Variants in ZNF500 observed in about 807,000 individuals in gnomAD.
The protein encoded by ZNF500 is zinc finger protein 500.
ZNF500 carries 31 observed loss-of-function variants against 30.1 expected under a neutral mutation model. The observed-to-expected ratio is 1.03, with a 90% confidence interval of 0.77 to 1.39. ZNF500 has a LOEUF of 1.39. Ranked by LOEUF, ZNF500 falls within the 40% of genes most tolerant of loss-of-function variation. The pLI, the probability that ZNF500 is intolerant of heterozygous loss-of-function variation, is 0.00. For synonymous variants in ZNF500, 392 were observed against 282.0 expected, an observed-to-expected ratio of 1.39 and a Z score of -3.91; for missense variants, 817 against 657.8, an observed-to-expected ratio of 1.24 and a Z score of -2.65.
At chr16:4,761,474 TACATACACACAC>T (rs1307564844) in intron 4 of ZNF500, among the ~76,000 whole-genome samples, 10 of 34,442 alleles carry the variant, frequency 2.9e-4, no homozygotes, top group East Asian at 2.1e-3. Flanking sequence ...CAAATACACA[TACATACACACAC>T]ACACACACAC....
chr16:4,748,438 T>G lies in ZNF500; in HGVS notation c.*3938A>C, dbSNP rs907856473. ...AAGATAGAAAGGCACACATAGATTC[T>G]CAAGGCCTTTGACCTTTATGAATCT... On this transcript the variant is annotated 3_prime_UTR_variant, in exon 6 of 6. Coordinates refer to ENST00000219478, the MANE Select transcript of ZNF500 (RefSeq NM_021646.4). 1 of 152,186 alleles carries G rather than the reference T, an allele frequency of 6.6e-6. No individual in the cohort carries two copies. The highest frequency in any genetic ancestry group is 2.4e-5 in the African/African-American group (1 of 41,446). The allele number at this position is 152,186 out of a possible 1,614,324, so 9.4% of individuals were successfully genotyped here. A position where few individuals can be genotyped will look rare whatever the true frequency, so the allele number is the denominator to read the frequency against.
Position 4,752,991 on chromosome 16 carries a change from G to T in ZNF500, c.828C>A (p.Tyr276Ter). Reference protein sequence around the residue: ...REDAPLRMEWYRVLSARCQGP... With the variant: ...REDAPLRMEW ...CCTGGCATCGTGCCGAGAGCACTCG[G>T]TACCACTCCATTCTCAACGGGGCAT... The change falls in exon 6 of 6, where the codon TAC (tyrosine) becomes TAA (stop). Residue 276 changes from tyrosine (Y) to a stop codon, truncating the protein, a stop_gained. Coordinates refer to ENST00000219478, the MANE Select transcript of ZNF500 (RefSeq NM_021646.4). LOFTEE classifies it low-confidence loss of function (END_TRUNC). 6.3e-7 allele frequency: 1 copy of T among 1,591,582 alleles called. No individual in the cohort carries two copies.
chr16:4,757,003 T>C (rs1334455773), intron 5 of ZNF500, among the ~76,000 whole-genome samples: 1 of 151,692 alleles, frequency 6.6e-6, no homozygotes, highest in Admixed American at 6.6e-5. Flanking sequence ...AAAAAAAGTT[T>C]TGGAACTATG....
intron 2 of ZNF500, chr16:4,763,707 G>C: frequency 2.0e-6 from 2 of 981,272 alleles, no homozygotes; most frequent in Non-Finnish European, 2.4e-6. Context: ...TGCAGTGACA[G>C]AAGGAAGCCA....
intron 2 of ZNF500, chr16:4,763,531 G>C: frequency 2.0e-6 from 2 of 985,240 alleles, no homozygotes; most frequent in Non-Finnish European, 2.4e-6. Context: ...ATAGCACTTG[G>C]ACAAGAGACA....
chr16:4,745,812 G>A (rs1479556919), downstream of ZNF500, among the ~76,000 whole-genome samples: 1 of 152,044 alleles, frequency 6.6e-6, no homozygotes, highest in East Asian at 1.9e-4. Flanking sequence ...AATTTTCCAG[G>A]CATGTTGGTG....
At position 4,751,997 on chromosome 16, in the gene ZNF500, G is replaced by T; in HGVS notation, c.*379C>A. ...ACACAGGAGAGGGGTTGGGACGTGG[G>T]GATGAGGCTGTATGCCAGCAGCCAC... On this transcript the variant is annotated 3_prime_UTR_variant, in exon 6 of 6. Coordinates refer to ENST00000219478, the MANE Select transcript of ZNF500 (RefSeq NM_021646.4). The T allele has an allele frequency of 9.5e-7, 1 of 1,055,160 alleles. No homozygotes were observed. The highest frequency in any genetic ancestry group is 1.6e-5 in the African/African-American group (1 of 60,940). The allele number at this position is 1,055,160 out of a possible 1,614,324, so 65.4% of individuals were successfully genotyped here. A position where few individuals can be genotyped will look rare whatever the true frequency, so the allele number is the denominator to read the frequency against.
rs2082069802 is a variant in ZNF500, at chr16:4,750,819, GGAA to G, written c.*1554_*1556del. ...TTTTTTTTTTTTTTTTTTTTGGTAG[GGAA>G]GAGGTCTTTCTATATTGCCCAGGCT... On this transcript the variant is annotated 3_prime_UTR_variant, in exon 6 of 6. Transcript: ENST00000219478. The G allele has an allele frequency of 7.3e-6, 1 of 136,788 alleles. No individual in the cohort carries two copies. The highest frequency in any genetic ancestry group is 2.3e-4 in the South Asian group (1 of 4,298). 8.5% of individuals were successfully genotyped at this position (136,788 alleles called of 1,614,324 possible). A position where few individuals can be genotyped will look rare whatever the true frequency, so the allele number is the denominator to read the frequency against.
downstream of ZNF500, chr16:4,746,883 C>G: frequency 2.0e-6 from 3 of 1,481,790 alleles, no homozygotes; most frequent in Non-Finnish European, 2.7e-6. Context: ...GTTGGAACAC[C>G]AGGTGGAGTG....
chr16:4,751,441 AG>A lies in ZNF500; in HGVS notation c.*934del, dbSNP rs1470341084. 21 of 785,360 alleles carry A rather than the reference AG, an allele frequency of 2.7e-5. No homozygotes were observed. The highest frequency in any genetic ancestry group is 1.5e-4 in the Admixed American group (5 of 33,492). The allele number at this position is 785,360 out of a possible 1,614,324, so 48.6% of individuals were successfully genotyped here. On this transcript the variant is annotated 3_prime_UTR_variant, in exon 6 of 6. Coordinates refer to ENST00000219478, the MANE Select transcript of ZNF500 (RefSeq NM_021646.4). ...GCAACATGTCAGGAAGATGGAACTC[AG>A]GGGTGCTTTCCCGCCCCAGGTGTCT...
chr16:4,757,065 G>A (rs1203431028), intron 5 of ZNF500, among the ~76,000 whole-genome samples: 1 of 152,126 alleles, frequency 6.6e-6, no homozygotes, highest in Non-Finnish European at 1.5e-5. Context: ...TCAAAAAAGG[G>A]AAGAAAAAAG....
At chr16:4,764,123 C>T (rs953241381) in intron 2 of ZNF500, 21 of 984,724 alleles carry the variant, frequency 2.1e-5, no homozygotes, top group South Asian at 1.9e-4. Flanking sequence ...ATAGAGATTT[C>T]GGTGTGTCAG....
intron 5 of ZNF500, among the ~76,000 whole-genome samples, chr16:4,758,042 T>C (rs2082156148): frequency 6.6e-6 from 1 of 151,140 alleles, no homozygotes; most frequent in South Asian, 2.1e-4. Context: ...GCTGGGATTA[T>C]AGGCACCCGC....
rs1228651390 is a variant in ZNF500, at chr16:4,749,841, G to A, written c.*2535C>T. 3 of 152,086 alleles carry A rather than the reference G, an allele frequency of 2.0e-5. No homozygotes were observed. The highest frequency in any genetic ancestry group is 4.4e-5 in the Non-Finnish European group (3 of 68,042). The allele number at this position is 152,086 out of a possible 1,614,324, so 9.4% of individuals were successfully genotyped here. On this transcript the variant is annotated 3_prime_UTR_variant, in exon 6 of 6. Transcript: ENST00000219478. The stretch of plus-strand genomic sequence containing the variant: ...CAAAACAAAAAAAGGAGACTAATGG[G>A]AGTCCCCCCTCACTGGACTGCATGA...
intron 5 of ZNF500, among the ~76,000 whole-genome samples, chr16:4,757,194 C>T (rs756178036): frequency 6.6e-6 from 1 of 152,138 alleles, no homozygotes; most frequent in Non-Finnish European, 1.5e-5. Flanking sequence ...CTTTGAGCAG[C>T]AGCAAGATTT....
downstream of ZNF500, chr16:4,746,149 G>A (rs78065589): frequency 1.8e-3 from 859 of 485,376 alleles, 8 homozygotes; most frequent in African/African-American, 0.015. Flanking sequence ...ACTTACCACA[G>A]ATAGAGAGCA....
At chr16:4,745,621 G>C (rs1178114362), downstream of ZNF500, among the ~76,000 whole-genome samples, 1 of 152,172 alleles carries the variant, frequency 6.6e-6, no homozygotes, top group Non-Finnish European at 1.5e-5. Context: ...CCAGCAGTGG[G>C]TTTCTGTGTC....
chr16:4,753,145 GCTC>G (rs2082103331), intron 5 of ZNF500, 87 bp from the exon 6 acceptor site: 3 of 1,469,264 alleles, frequency 2.0e-6, no homozygotes, highest in Non-Finnish European at 1.8e-6. Context: ...GCCTCACAGG[GCTC>G]CTAAGGTTCC....
downstream of ZNF500, among the ~76,000 whole-genome samples, chr16:4,745,585 G>A (rs1265231227): frequency 1.3e-5 from 2 of 152,214 alleles, no homozygotes; most frequent in Admixed American, 6.5e-5. Context: ...AGGAATCTGA[G>A]AACCAGTGAA....
Sources: gnomAD v4.1 joint callset for allele counts (sites outside exome capture counted in the v4.1 genomes callset) on GRCh38, gnomAD v4.1.1 for gene constraint, MANE v1.5 for transcripts, NCBI Gene and HGNC (gene_info 2026-07-23, HGNC 2026-07-21) for gene names.